Variants in CDH18 observed in about 807,000 individuals in gnomAD.
CDH18 encodes the protein cadherin-18.
In CDH18, 31 loss-of-function variants were observed where a neutral mutation model predicts 67.9. That is an observed-to-expected ratio of 0.46 (90% CI 0.34 to 0.62). CDH18 has a LOEUF of 0.62. Ranked by LOEUF, CDH18 falls within the 20% of genes least tolerant of loss-of-function variation. The probability of loss-of-function intolerance (pLI) is 0.01; values close to 1 mark genes in which losing one functional copy is unlikely to be tolerated. For missense variants in CDH18, 890 were observed against 975.5 expected (o/e 0.91, Z 1.17); for synonymous variants, 362 against 347.2 (o/e 1.04, Z -0.48).
At chr5:20,110,016 G>T (rs993508380) in intron 2 of CDH18, among the ~76,000 whole-genome samples, 6 of 152,118 alleles carry the variant, frequency 3.9e-5, no homozygotes, top group Non-Finnish European at 4.4e-5. Flanking sequence ...AGAAAGAGAG[G>T]CAGAGAGAGA....
At chr5:20,434,273 T>C (rs1360112310) in intron 1 of CDH18, among the ~76,000 whole-genome samples, 1 of 152,016 alleles carries the variant, frequency 6.6e-6, no homozygotes, top group Non-Finnish European at 1.5e-5. Context: ...AAAGTCTCAT[T>C]GAATTATTGC....
At chr5:20,389,930 G>T (rs1356809487) in intron 1 of CDH18, among the ~76,000 whole-genome samples, 1 of 152,156 alleles carries the variant, frequency 6.6e-6, no homozygotes, top group Non-Finnish European at 1.5e-5. Context: ...AAACTGGCTA[G>T]CCATAGGTAG....
At chr5:20,189,427 A>G (rs976653625) in intron 2 of CDH18, among the ~76,000 whole-genome samples, 2 of 152,102 alleles carry the variant, frequency 1.3e-5, no homozygotes, top group Non-Finnish European at 2.9e-5. Context: ...AGACATTCAA[A>G]TGATAACAAT....
At chr5:20,411,182 C>T (rs1270687282) in intron 1 of CDH18, among the ~76,000 whole-genome samples, 1 of 151,860 alleles carries the variant, frequency 6.6e-6, no homozygotes, top group African/African-American at 2.4e-5. Flanking sequence ...CTAGAGATAT[C>T]ACACATCTTG....
At chr5:19,581,142 C>G (rs889760206) in intron 7 of CDH18, among the ~76,000 whole-genome samples, 2 of 151,904 alleles carry the variant, frequency 1.3e-5, no homozygotes, top group Admixed American at 6.6e-5. Context: ...CTTCCCCAGG[C>G]AATTGGGCTT....
intron 3 of CDH18, among the ~76,000 whole-genome samples, chr5:19,778,227 A>G (rs1406317230): frequency 1.3e-5 from 2 of 152,196 alleles, no homozygotes; most frequent in Admixed American, 6.5e-5. Context: ...AAAAAACTAC[A>G]TTGAACCTAC....
chr5:20,035,495 C>A (rs958705887), intron 2 of CDH18, among the ~76,000 whole-genome samples: 2 of 151,984 alleles, frequency 1.3e-5, no homozygotes, highest in African/African-American at 4.8e-5. Context: ...GGCTTACAAT[C>A]ATGGTGGAAG....
chr5:20,575,249 A>G (rs958659799), intron 1 of CDH18, among the ~76,000 whole-genome samples: 3 of 150,148 alleles, frequency 2.0e-5, no homozygotes, highest in African/African-American at 4.9e-5. Context: ...CTTATTTTTG[A>G]AAAAAAAATC....
chr5:19,534,468 G>A (rs1749115796), intron 9 of CDH18, among the ~76,000 whole-genome samples: 3 of 152,008 alleles, frequency 2.0e-5, no homozygotes, highest in African/African-American at 7.2e-5. Context: ...GCAACATGAA[G>A]GAAAAAGGTG....
chr5:19,971,044 C>T (rs114397400), intron 2 of CDH18, among the ~76,000 whole-genome samples: 1,778 of 151,742 alleles, frequency 0.012, 28 homozygotes, highest in African/African-American at 0.041. Flanking sequence ...AGATTTTATT[C>T]TAAAAGAAAT....
chr5:19,838,838 C>T lies in CDH18; in HGVS notation c.149G>A (p.Arg50His), dbSNP rs1415839102. 5.0e-6 allele frequency: 8 copies of T among 1,613,812 alleles called. No homozygotes were observed. Among genetic ancestry groups the T allele is most frequent in the Non-Finnish European group, 5.1e-6 (6 of 1,179,870 alleles). Residue 50 changes from arginine to histidine, a missense_variant, in exon 3 of 13, where the codon CGT becomes CAT. By Grantham distance (29) the Arg-to-His change is conservative. Around this residue, in one of 2 missense-constraint regions of CDH18, gnomAD observed 234 missense variants for 307.4 expected, o/e 0.76. Coordinates refer to ENST00000382275, the MANE Select transcript of CDH18 (RefSeq NM_004934.5). ...HIEGETEVHH[R>H]PKRGWVWNQF... The stretch of plus-strand genomic sequence containing the variant: ...ATTCCATACCCATCCCCTTTTGGGA[C>T]GATGATGGACTTCGGTTTCACCTTC...
rs143898926 is a variant in CDH18, at chr5:20,348,751, T to C, written c.-579-93246A>G. On this transcript the variant is annotated intron_variant, in intron 1 of 14. Coordinates refer to the CDH18 transcript ENST00000507958. Reference sequence around the variant, plus strand: ...GGATGAGGCATTTCCAGCTTCCAGATGAAAGTACTTTTTTAGGGAACATTA... The same window carrying C: ...GGATGAGGCATTTCCAGCTTCCAGACGAAAGTACTTTTTTAGGGAACATTA... 2.7e-3 allele frequency among the ~76,000 whole-genome samples: 414 copies of C among 152,248 alleles called. 4 individuals carry two copies. The highest frequency in any genetic ancestry group is 2.3e-3 in the Non-Finnish European group (156 of 68,002).
intron 1 of CDH18, among the ~76,000 whole-genome samples, chr5:20,259,081 G>A (rs1379877617): frequency 6.6e-6 from 1 of 152,134 alleles, no homozygotes; most frequent in Non-Finnish European, 1.5e-5. Context: ...AAAATAGTGT[G>A]ACTGGCTTTG....
intron 2 of CDH18, among the ~76,000 whole-genome samples, chr5:20,232,689 C>G (rs1330346622): frequency 1.3e-5 from 2 of 152,118 alleles, no homozygotes; most frequent in East Asian, 3.9e-4. Flanking sequence ...ATTTTATAGG[C>G]ATGTGAAGAC....
intron 1 of CDH18, among the ~76,000 whole-genome samples, chr5:20,422,474 TTATTA>T (rs1747939246): frequency 6.6e-6 from 1 of 150,998 alleles, no homozygotes; most frequent in Non-Finnish European, 1.5e-5. Context: ...ATGTGACACA[TTATTA>T]TATTAAATTA....
chr5:19,516,487 T>G (rs1487671176), intron 10 of CDH18, among the ~76,000 whole-genome samples: 1 of 151,966 alleles, frequency 6.6e-6, no homozygotes, highest in Non-Finnish European at 1.5e-5. Flanking sequence ...CCTAGACTTT[T>G]TTTGGTTGGT....
chr5:19,537,304 T>C (rs1169083571), intron 9 of CDH18, among the ~76,000 whole-genome samples: 1 of 152,118 alleles, frequency 6.6e-6, no homozygotes, highest in Non-Finnish European at 1.5e-5. Flanking sequence ...AGTCTGCAGA[T>C]TTGGGATGTG....
intron 3 of CDH18, among the ~76,000 whole-genome samples, chr5:19,760,402 G>T (rs1040137236): frequency 1.3e-5 from 2 of 152,040 alleles, no homozygotes; most frequent in African/African-American, 2.4e-5. Context: ...TAGCCCTTTG[G>T]ATCTCTTCCT....
intron 3 of CDH18, among the ~76,000 whole-genome samples, chr5:19,786,822 T>G (rs1775835663): frequency 6.6e-6 from 1 of 151,856 alleles, no homozygotes; most frequent in Admixed American, 6.6e-5. Context: ...CAAAGTCCAG[T>G]GTCTGTGTGC....
Sources: gnomAD v4.1 joint callset for allele counts (sites outside exome capture counted in the v4.1 genomes callset) on GRCh38, gnomAD v4.1.1 for gene constraint, gnomAD v4.1.1 regional missense constraint, MANE v1.5 for transcripts, NCBI Gene and HGNC (gene_info 2026-07-23, HGNC 2026-07-21) for gene names.